PEX14: variants seen among roughly 807,000 people sequenced by gnomAD.
The protein encoded by PEX14 is peroxisomal membrane protein PEX14.
Under a neutral mutation model 49.5 loss-of-function variants are expected in PEX14, and 15 were observed. That is an observed-to-expected ratio of 0.30 (90% CI 0.20 to 0.47). The LOEUF (loss-of-function observed/expected upper bound fraction) is 0.47. PEX14 is among the 20% of genes least tolerant of loss of function. The pLI is 1.00. For missense variants in PEX14, 398 were observed against 494.8 expected, an observed-to-expected ratio of 0.80 and a Z score of 1.86; for synonymous variants, 210 against 212.7, an observed-to-expected ratio of 0.99 and a Z score of 0.11.
At chr1:10,482,236 C>T (rs1641293733) in intron 1 of PEX14, among the ~76,000 whole-genome samples, 1 of 152,132 alleles carries the variant, frequency 6.6e-6, no homozygotes, top group South Asian at 2.1e-4. Context: ...TCAAGTGATT[C>T]TTCTGCCTCA....
chr1:10,516,072 T>C (rs1348392029), intron 2 of PEX14, among the ~76,000 whole-genome samples: 2 of 152,232 alleles, frequency 1.3e-5, no homozygotes, highest in Non-Finnish European at 2.9e-5. Flanking sequence ...TCTTCCAAAA[T>C]TGTATTTGCA....
At chr1:10,506,685 G>A (rs927924572) in intron 2 of PEX14, among the ~76,000 whole-genome samples, 1 of 152,252 alleles carries the variant, frequency 6.6e-6, no homozygotes, top group Non-Finnish European at 1.5e-5. Context: ...TTAGGTGTGA[G>A]CGAGATGACA....
chr1:10,557,910 A>G (rs1215460304), intron 3 of PEX14, among the ~76,000 whole-genome samples: 1 of 151,812 alleles, frequency 6.6e-6, no homozygotes, highest in Non-Finnish European at 1.5e-5. Context: ...CAGGGAATAT[A>G]ACTTTATTTT....
intron 3 of PEX14, among the ~76,000 whole-genome samples, chr1:10,568,484 TATG>T (rs1227775649): frequency 6.6e-6 from 1 of 152,184 alleles, no homozygotes; most frequent in Non-Finnish European, 1.5e-5. Context: ...TTTGATCTAA[TATG>T]ATAAAGTATA....
At chr1:10,607,130 CA>C (rs1641149471) in intron 4 of PEX14, among the ~76,000 whole-genome samples, 1 of 151,894 alleles carries the variant, frequency 6.6e-6, no homozygotes, top group Admixed American at 6.6e-5. Context: ...TAAATAGAAT[CA>C]TACAGTATTG....
At chr1:10,493,033 G>A (rs894273854) in intron 1 of PEX14, among the ~76,000 whole-genome samples, 1 of 152,168 alleles carries the variant, frequency 6.6e-6, no homozygotes, top group Non-Finnish European at 1.5e-5. Context: ...GAACTAAAGG[G>A]AAGGAAGGGC....
intron 3 of PEX14, among the ~76,000 whole-genome samples, chr1:10,561,906 C>T (rs1005429858): frequency 3.3e-5 from 5 of 152,026 alleles, no homozygotes; most frequent in Non-Finnish European, 7.4e-5. Context: ...CTCTTTAGTT[C>T]AGAGTGCTAT....
At chr1:10,601,131 G>A (rs1053346141) in intron 4 of PEX14, among the ~76,000 whole-genome samples, 3 of 151,912 alleles carry the variant, frequency 2.0e-5, no homozygotes, top group Admixed American at 6.6e-5. Context: ...GCATGGTGGC[G>A]GGTGCTTGTA....
intron 3 of PEX14, among the ~76,000 whole-genome samples, chr1:10,596,888 G>T (rs1640846915): frequency 6.6e-6 from 1 of 152,232 alleles, no homozygotes; most frequent in Non-Finnish European, 1.5e-5. Context: ...GATAACGTCT[G>T]TGAAAAACAA....
intron 2 of PEX14, among the ~76,000 whole-genome samples, chr1:10,508,968 G>A (rs578173508): frequency 1.3e-5 from 2 of 150,104 alleles, no homozygotes; most frequent in South Asian, 2.1e-4. Flanking sequence ...ACGGAGTCTC[G>A]CTCTGTCGCC....
rs533946362 is a variant in PEX14 at position 10,628,432 on chromosome 1, G to T, written c.677+1069G>T. On this transcript the variant is annotated intron_variant, in intron 8 of 8. Coordinates refer to ENST00000356607, the MANE Select transcript of PEX14 (RefSeq NM_004565.3). The surrounding 1 kb of genome is among the most constrained non-coding windows in gnomAD (Gnocchi z 4.5). Reference sequence around the variant, plus strand: ...GCTTTTCACTAGGGTCCAGGATGGGGTGCAGAGGGGTCTTGCGGCTCCAGC... The same window carrying T: ...GCTTTTCACTAGGGTCCAGGATGGGTTGCAGAGGGGTCTTGCGGCTCCAGC... 1.3e-5 allele frequency among the ~76,000 whole-genome samples: 2 copies of T among 152,356 alleles called. No individual in the cohort carries two copies. Among genetic ancestry groups the T allele is most frequent in the South Asian group, 2.1e-4 (1 of 4,832 alleles).
At chr1:10,604,785 AC>A (rs1380818296) in intron 4 of PEX14, among the ~76,000 whole-genome samples, 5 of 151,864 alleles carry the variant, frequency 3.3e-5, no homozygotes, top group Non-Finnish European at 7.4e-5. Flanking sequence ...GTGCCATACG[AC>A]CTATTTGGCC....
chr1:10,590,981 G>A (rs2124587658), intron 3 of PEX14, among the ~76,000 whole-genome samples: 1 of 152,268 alleles, frequency 6.6e-6, no homozygotes, highest in Admixed American at 6.5e-5. Flanking sequence ...GTGCCCTAGT[G>A]CACCAAACTC....
chr1:10,540,678 T>C (rs1349857001), intron 3 of PEX14, among the ~76,000 whole-genome samples: 1 of 152,216 alleles, frequency 6.6e-6, no homozygotes, highest in Non-Finnish European at 1.5e-5. Context: ...AATTCTTTAA[T>C]GTGTCTTAGT....
At chr1:10,552,763 G>T (rs9430149) in intron 3 of PEX14, among the ~76,000 whole-genome samples, 1 of 152,054 alleles carries the variant, frequency 6.6e-6, no homozygotes, top group Non-Finnish European at 1.5e-5. Flanking sequence ...TGGAGGCCTG[G>T]GGGGAGAGCG....
At chr1:10,617,152 G>A (rs1641448282) in intron 4 of PEX14, 1 of 152,006 alleles carries the variant, frequency 6.6e-6, no homozygotes, top group Non-Finnish European at 1.5e-5. Flanking sequence ...AGAAGAGAAC[G>A]GGGCCAGGTG....
intron 3 of PEX14, among the ~76,000 whole-genome samples, chr1:10,570,909 G>A (rs34230252): frequency 0.61 from 89,261 of 145,662 alleles, 28,586 homozygotes; most frequent in Admixed American, 0.7. Flanking sequence ...GTGCAGTGGC[G>A]TGATCACAGC....
Position 10,599,136 on chromosome 1 carries a change from G to C in PEX14, c.170-102G>C, listed in dbSNP as rs371776678. ...GGGGAGGCAACTTACTAGGATGCGA[G>C]GCATTCTGTGGCTGTAAAGGTCTTT... On this transcript the variant is annotated intron_variant, in intron 3 of 8. Transcript: ENST00000356607. 375 of 1,198,660 alleles carry C rather than the reference G, an allele frequency of 3.1e-4. 3 individuals are homozygous for C. Among genetic ancestry groups the C allele is most frequent in the East Asian group, 2.4e-3 (104 of 42,910 alleles). 74.3% of individuals were successfully genotyped at this position (1,198,660 alleles called of 1,614,324 possible).
intron 3 of PEX14, among the ~76,000 whole-genome samples, chr1:10,568,406 A>G (rs144911531): frequency 0.025 from 3,675 of 147,918 alleles, 69 homozygotes; most frequent in Non-Finnish European, 0.039. Context: ...AGTTTTTACT[A>G]AGAATGGATA....
Sources: allele counts gnomAD v4.1 joint callset (sites outside exome capture counted in the v4.1 genomes callset), GRCh38; gene constraint gnomAD v4.1.1; non-coding constraint Gnocchi (gnomAD v3.1); transcripts MANE v1.5; gene names NCBI Gene and HGNC (gene_info 2026-07-23, HGNC 2026-07-21).